Variants in XPR1 observed in about 807,000 individuals in gnomAD.
XPR1 encodes xenotropic and polytropic retrovirus receptor 1, also known as solute carrier family 53 member 1.
A neutral mutation model predicts 87.5 loss-of-function variants in XPR1; 28 were observed. The observed-to-expected ratio is 0.32, with a 90% CI of 0.24 to 0.44. The LOEUF (loss-of-function observed/expected upper bound fraction) is 0.44, where lower values mean the gene tolerates loss of function less well. Among genes scored for constraint, XPR1 ranks in the 20% least tolerant of loss-of-function variants. The pLI is 1.00. For synonymous variants in XPR1, 300 were observed against 306.1 expected (o/e 0.98, Z 0.21); for missense variants, 559 against 862.3 (o/e 0.65, Z 4.41).
intron 2 of XPR1, among the ~76,000 whole-genome samples, chr1:180,702,639 A>C (rs1379732081): frequency 6.6e-6 from 1 of 151,556 alleles, no homozygotes; most frequent in East Asian, 1.9e-4. Flanking sequence ...GATTTTTTTG[A>C]TTTTTAAAAA....
chr1:180,874,404 ATCTGGCC>A (rs1334481700), intron 13 of XPR1, among the ~76,000 whole-genome samples: 4 of 151,948 alleles, frequency 2.6e-5, no homozygotes, highest in Non-Finnish European at 5.9e-5. Context: ...ATGTGTTTAA[ATCTGGCC>A]AGGTGCACTG....
In XPR1 at chr1:180,887,443, C is replaced by T. The variant is rs1328833619; in HGVS notation, c.*3377C>T. The T allele has an allele frequency of 6.6e-6, 1 of 152,166 alleles. No homozygotes were observed. The highest frequency in any genetic ancestry group is 1.5e-5 in the Non-Finnish European group (1 of 68,034). The allele number at this position is 152,166 out of a possible 1,614,324, so 9.4% of individuals were successfully genotyped here. On this transcript the variant is annotated 3_prime_UTR_variant, in exon 15 of 15. Coordinates refer to ENST00000367590, the MANE Select transcript of XPR1 (RefSeq NM_004736.4). ...ACAAGAGTGGTTTACTGTCTATGCA[C>T]AAATGAGTGCCTATATTTAAGGCTG...
intron 1 of XPR1, among the ~76,000 whole-genome samples, chr1:180,658,567 G>A (rs1224526722): frequency 6.6e-6 from 1 of 151,526 alleles, no homozygotes. Flanking sequence ...TTTTTGTTTG[G>A]TTTTGTTTTG....
chr1:180,812,100 A>G (rs1428848514), intron 7 of XPR1, among the ~76,000 whole-genome samples: 2 of 152,114 alleles, frequency 1.3e-5, no homozygotes, highest in Non-Finnish European at 1.5e-5. Flanking sequence ...AGCATTTGAC[A>G]TTATCAGTCA....
At chr1:180,722,221 A>C (rs1658199833) in intron 2 of XPR1, among the ~76,000 whole-genome samples, 1 of 152,090 alleles carries the variant, frequency 6.6e-6, no homozygotes, top group South Asian at 2.1e-4. Context: ...TGAGCCTCCC[A>C]AGTAGCTGGG....
intron 11 of XPR1, among the ~76,000 whole-genome samples, chr1:180,846,051 G>A (rs1294493638): frequency 6.6e-6 from 1 of 152,050 alleles, no homozygotes; most frequent in Non-Finnish European, 1.5e-5. Flanking sequence ...CCTGAGGTTG[G>A]GAGTTCAAGA....
At chr1:180,820,659 AC>A (rs1280892504) in intron 7 of XPR1, among the ~76,000 whole-genome samples, 1 of 152,154 alleles carries the variant, frequency 6.6e-6, no homozygotes, top group Non-Finnish European at 1.5e-5. Flanking sequence ...CAGAGGCTTT[AC>A]CATTTTCCAT....
At chr1:180,664,027 A>AG (rs1655874111) in intron 1 of XPR1, among the ~76,000 whole-genome samples, 1 of 152,114 alleles carries the variant, frequency 6.6e-6, no homozygotes, top group African/African-American at 2.4e-5. Flanking sequence ...CTCACGCTTC[A>AG]GGTCAGTGGA....
chr1:180,657,771 G>A (rs557015171), intron 1 of XPR1, among the ~76,000 whole-genome samples: 1 of 152,162 alleles, frequency 6.6e-6, no homozygotes, highest in South Asian at 2.1e-4. Flanking sequence ...GCTATTCTGA[G>A]TCTTTTATGG....
At chr1:180,883,283 A>T (rs1279888877) in intron 14 of XPR1, among the ~76,000 whole-genome samples, 2 of 151,754 alleles carry the variant, frequency 1.3e-5, no homozygotes, top group African/African-American at 4.8e-5. Flanking sequence ...TGCTTTTTTC[A>T]TCCATGTTCT....
chr1:180,640,125 G>A (rs1164181949), intron 1 of XPR1, among the ~76,000 whole-genome samples: 2 of 152,190 alleles, frequency 1.3e-5, no homozygotes, highest in African/African-American at 4.8e-5. Context: ...TACTGATGAG[G>A]AAACCCAGGC....
chr1:180,696,453 T>G (rs1657179120), intron 2 of XPR1, among the ~76,000 whole-genome samples: 1 of 151,912 alleles, frequency 6.6e-6, no homozygotes, highest in Non-Finnish European at 1.5e-5. Flanking sequence ...TTGGGTTCCT[T>G]TTTATTTCTT....
At chr1:180,852,013 A>G (rs1427160375) in intron 11 of XPR1, among the ~76,000 whole-genome samples, 1 of 151,748 alleles carries the variant, frequency 6.6e-6, no homozygotes, top group Non-Finnish European at 1.5e-5. Flanking sequence ...AGGCATACAT[A>G]GATGAACAAA....
intron 2 of XPR1, among the ~76,000 whole-genome samples, chr1:180,724,198 C>G (rs565297810): frequency 1.3e-5 from 2 of 152,202 alleles, no homozygotes; most frequent in Admixed American, 6.5e-5. Flanking sequence ...AGGTGGCATA[C>G]TGACTTGAGG....
At chr1:180,658,639 A>T (rs570870109) in intron 1 of XPR1, among the ~76,000 whole-genome samples, 4 of 151,760 alleles carry the variant, frequency 2.6e-5, no homozygotes, top group Non-Finnish European at 5.9e-5. Context: ...ATCTTGGCTC[A>T]CTGCAAGCTC....
chr1:180,802,559 T>C (rs988089345), intron 3 of XPR1, among the ~76,000 whole-genome samples: 2 of 152,322 alleles, frequency 1.3e-5, no homozygotes, highest in African/African-American at 2.4e-5. Flanking sequence ...AAATTTGCCT[T>C]CTTAAGGTTT....
chr1:180,872,772 G>A (rs970322149), intron 12 of XPR1, among the ~76,000 whole-genome samples: 43 of 150,896 alleles, frequency 2.8e-4, no homozygotes, highest in Admixed American at 2.7e-3. Flanking sequence ...GAAATCACCC[G>A]TCTTCTGCGT....
chr1:180,672,114 A>T (rs1656201714), intron 1 of XPR1, among the ~76,000 whole-genome samples: 1 of 152,200 alleles, frequency 6.6e-6, no homozygotes, highest in Non-Finnish European at 1.5e-5. Context: ...GATGTCAGAG[A>T]ATATTAGTGC....
chr1:180,717,484 T>C (rs530176661), intron 2 of XPR1, among the ~76,000 whole-genome samples: 1 of 152,088 alleles, frequency 6.6e-6, no homozygotes. Flanking sequence ...ATTGACAGAT[T>C]AGTGGCAGCC....
Sources: allele counts gnomAD v4.1 joint callset (sites outside exome capture counted in the v4.1 genomes callset), GRCh38; gene constraint gnomAD v4.1.1; transcripts MANE v1.5; gene names NCBI Gene and HGNC (gene_info 2026-07-23, HGNC 2026-07-21).